Variants in ELL2 observed in about 807,000 individuals in gnomAD.
ELL2 encodes the protein RNA polymerase II elongation factor ELL2.
Under a neutral mutation model 72.8 loss-of-function variants are expected in ELL2, and 21 were observed. The observed-to-expected ratio is 0.29, with a 90% confidence interval of 0.20 to 0.42. The LOEUF is 0.42. Ranked by LOEUF, ELL2 falls within the 10% of genes least tolerant of loss-of-function variation. ELL2 has a pLI of 1.00. For synonymous variants in ELL2, 266 were observed against 283.2 expected (o/e 0.94, Z 0.61); for missense variants, 568 against 772.8 (o/e 0.73, Z 3.14).
intron 1 of ELL2, among the ~76,000 whole-genome samples, chr5:95,955,107 C>T (rs1031589493): frequency 6.6e-6 from 1 of 152,112 alleles, no homozygotes; most frequent in African/African-American, 2.4e-5. Flanking sequence ...CTCTTCTTTG[C>T]TTACCTATGC....
intron 4 of ELL2, among the ~76,000 whole-genome samples, chr5:95,909,352 TGAAA>T: frequency 6.6e-6 from 1 of 152,270 alleles, no homozygotes; most frequent in African/African-American, 2.4e-5. Context: ...TTCAAATGCT[TGAAA>T]GAACAACTCA....
At chr5:95,958,744 A>G (rs959574359) in intron 1 of ELL2, among the ~76,000 whole-genome samples, 3 of 152,208 alleles carry the variant, frequency 2.0e-5, no homozygotes, top group African/African-American at 7.2e-5. Flanking sequence ...CCATGCTTTA[A>G]GGTAGAGAGA....
intron 1 of ELL2, among the ~76,000 whole-genome samples, chr5:95,954,315 C>G (rs570798459): frequency 7.2e-5 from 11 of 152,070 alleles, no homozygotes; most frequent in Non-Finnish European, 1.5e-4. Context: ...TCCAATTTCC[C>G]TTTTTCTATT....
intron 6 of ELL2, 32 bp downstream of exon 6, chr5:95,900,924 A>AT (rs745448319): frequency 2.5e-6 from 4 of 1,577,198 alleles, no homozygotes; most frequent in South Asian, 1.2e-5. Flanking sequence ...TTAAAGAAAC[A>AT]TTTTTTTAAA....
intron 2 of ELL2, among the ~76,000 whole-genome samples, chr5:95,933,502 AAG>A (rs754764086): frequency 6.6e-6 from 1 of 152,146 alleles, no homozygotes; most frequent in Non-Finnish European, 1.5e-5. Flanking sequence ...TAAATGAAAA[AAG>A]AATATAAAAA....
chr5:95,952,033 G>A (rs559612467), intron 1 of ELL2, among the ~76,000 whole-genome samples: 2 of 152,272 alleles, frequency 1.3e-5, no homozygotes, highest in East Asian at 3.9e-4. Flanking sequence ...TTTAGAAACA[G>A]CGAAGATATG....
At chr5:95,914,709 G>A (rs1749720329) in intron 3 of ELL2, among the ~76,000 whole-genome samples, 2 of 152,084 alleles carry the variant, frequency 1.3e-5, no homozygotes, top group African/African-American at 2.4e-5. Flanking sequence ...GCTGGGCATG[G>A]TGGCGTGTGC....
chr5:95,929,794 A>C (rs1454660756), intron 2 of ELL2, among the ~76,000 whole-genome samples: 4 of 150,822 alleles, frequency 2.7e-5, no homozygotes, highest in Non-Finnish European at 4.4e-5. Flanking sequence ...AAAAAAAAAA[A>C]CAACAAAAAA....
chr5:95,896,068 A>G (rs905151833), intron 8 of ELL2, among the ~76,000 whole-genome samples: 3 of 152,216 alleles, frequency 2.0e-5, no homozygotes, highest in African/African-American at 7.2e-5. Flanking sequence ...ATCAACATCT[A>G]CTTTTCATGG....
intron 1 of ELL2, among the ~76,000 whole-genome samples, chr5:95,945,882 G>A (rs17085336): frequency 0.019 from 2,872 of 152,196 alleles, 84 homozygotes; most frequent in African/African-American, 0.065. Flanking sequence ...TCCTCAAAAT[G>A]TGTCTTCATT....
intron 2 of ELL2, among the ~76,000 whole-genome samples, chr5:95,929,793 A>C (rs926145588): frequency 1.4e-4 from 21 of 151,134 alleles, no homozygotes; most frequent in Admixed American, 7.9e-4. Flanking sequence ...AAAAAAAAAA[A>C]ACAACAAAAA....
intron 2 of ELL2, among the ~76,000 whole-genome samples, chr5:95,934,409 A>G (rs1337153984): frequency 6.6e-6 from 1 of 152,150 alleles, no homozygotes; most frequent in Non-Finnish European, 1.5e-5. Context: ...CTCATCTTTT[A>G]AAATTCAACC....
At chr5:95,924,132 C>T (rs1167262489) in intron 2 of ELL2, among the ~76,000 whole-genome samples, 1 of 152,194 alleles carries the variant, frequency 6.6e-6, no homozygotes, top group Admixed American at 6.5e-5. Flanking sequence ...GGGTCTGAGA[C>T]CTTGTCTAAT....
intron 9 of ELL2, among the ~76,000 whole-genome samples, chr5:95,893,401 T>C (rs1748739438): frequency 6.6e-6 from 1 of 152,360 alleles, no homozygotes; most frequent in Non-Finnish European, 1.5e-5. Flanking sequence ...TATTATTTTT[T>C]TGAGATGGTG....
At chr5:95,928,825 G>A (rs991899658) in intron 2 of ELL2, among the ~76,000 whole-genome samples, 1 of 152,070 alleles carries the variant, frequency 6.6e-6, no homozygotes, top group Non-Finnish European at 1.5e-5. Flanking sequence ...AGTCTCAAGG[G>A]TCATTTATTT....
At chr5:95,917,997 G>A (rs575723421) in intron 3 of ELL2, among the ~76,000 whole-genome samples, 7 of 152,146 alleles carry the variant, frequency 4.6e-5, no homozygotes, top group Non-Finnish European at 8.8e-5. Context: ...ACTGGGGTGG[G>A]AATTAGAAGA....
chr5:95,915,758 C>A (rs1749769547), intron 3 of ELL2, among the ~76,000 whole-genome samples: 1 of 152,020 alleles, frequency 6.6e-6, no homozygotes, highest in South Asian at 2.1e-4. Context: ...TCAGGGAGGA[C>A]AACTAATCTG....
At chr5:95,900,604 G>A (rs911976765) in intron 7 of ELL2, 89 bp downstream of exon 7, 2 of 951,708 alleles carry the variant, frequency 2.1e-6, no homozygotes, top group South Asian at 4.7e-5. Flanking sequence ...GCTTCTCCGG[G>A]TCTCATTTCC....
chr5:95,942,451 A>T (rs1033578489), intron 2 of ELL2, among the ~76,000 whole-genome samples: 17 of 152,176 alleles, frequency 1.1e-4, no homozygotes, highest in African/African-American at 3.9e-4. Flanking sequence ...TCATAAAGAC[A>T]AAATTCATAA....
Sources: allele counts gnomAD v4.1 joint callset (sites outside exome capture counted in the v4.1 genomes callset), GRCh38; gene constraint gnomAD v4.1.1; transcripts MANE v1.5; gene names NCBI Gene and HGNC (gene_info 2026-07-23, HGNC 2026-07-21).